FANCD2: variants seen among roughly 807,000 people sequenced by gnomAD.
FANCD2 encodes FA complementation group D2.
Under a neutral mutation model 192.3 loss-of-function variants are expected in FANCD2, and 131 were observed. The observed-to-expected ratio is 0.68, with a 90% CI of 0.59 to 0.79. The LOEUF is 0.79. FANCD2 is among the 30% of genes least tolerant of loss of function. The pLI, the probability that FANCD2 is intolerant of heterozygous loss-of-function variation, is 0.00. For synonymous variants in FANCD2, 524 were observed against 612.5 expected (o/e 0.86, Z 2.13); for missense variants, 1,508 against 1,701.6 (o/e 0.89, Z 2.00).
intron 9 of FANCD2, chr3:10,040,323 A>G (rs2086834988): frequency 2.8e-6 from 1 of 360,416 alleles, no homozygotes; most frequent in East Asian, 7.5e-5. Flanking sequence ...GGCATGAGCC[A>G]CCGTGCCTGG....
chr3:10,066,735 G>GT (rs1378968200), intron 25 of FANCD2, among the ~76,000 whole-genome samples: 1 of 151,818 alleles, frequency 6.6e-6, no homozygotes, highest in Non-Finnish European at 1.5e-5. Flanking sequence ...TTTGTTTTTT[G>GT]TTTTTTTGAG....
Position 10,032,951 on chromosome 3 carries a change from G to A in FANCD2, c.184G>A (p.Gly62Arg), listed in dbSNP as rs2086639975. ...LKISGIILKTGESQNQLAVDQ... is the reference protein window; with the variant it reads ...LKISGIILKTRESQNQLAVDQ... ...GATATCAGGAATTATTCTTAAAACG[G>A]GAGAGAGTCAGAATCAACTAGGTAA... The change falls in exon 3 of 44, where the codon GGA becomes AGA. Residue 62 changes from glycine to arginine, a missense_variant. Gly to Arg is a moderately radical substitution (Grantham distance 125). Around this residue, in one of 5 missense-constraint regions of FANCD2, gnomAD observed 435 missense variants for 421.9 expected, o/e 1.03. Transcript: ENST00000675286. The A allele has an allele frequency of 6.3e-7, 1 of 1,588,408 alleles. No homozygotes were observed. The highest frequency in any genetic ancestry group is 8.6e-7 in the Non-Finnish European group (1 of 1,157,024).
chr3:10,095,997 G>A (rs1053748763), intron 41 of FANCD2, among the ~76,000 whole-genome samples: 15 of 151,600 alleles, frequency 9.9e-5, no homozygotes, highest in Non-Finnish European at 1.9e-4. Context: ...AATGTTTAAG[G>A]AATTCTCTTA....
chr3:10,062,485 A>G (rs1029277069), intron 20 of FANCD2, among the ~76,000 whole-genome samples: 7 of 151,780 alleles, frequency 4.6e-5, no homozygotes, highest in African/African-American at 1.7e-4. Flanking sequence ...CAAGTGATCC[A>G]CCTGCCTCGG....
chr3:10,100,163 G>C (rs980325898), intron 43 of FANCD2, among the ~76,000 whole-genome samples: 1 of 152,214 alleles, frequency 6.6e-6, no homozygotes, highest in Non-Finnish European at 1.5e-5. Context: ...CTGGATGACA[G>C]AGCGAGACCC....
rs563678789 is a variant in FANCD2, at chr3:10,067,394, C to T, written c.2494+77C>T. ...TAAAGCACTTAGCTTTCCCTGATAC[C>T]AAAACCAGACAAAGACACATCAAAA... On this transcript the variant is annotated intron_variant, in intron 26 of 43. Coordinates refer to ENST00000675286, the MANE Select transcript of FANCD2 (RefSeq NM_001018115.3). 8.5e-6 allele frequency: 7 copies of T among 819,382 alleles called. No individual in the cohort carries two copies. The African/African-American group carries it at 1.2e-4, about 14-fold the overall frequency. The allele number at this position is 819,382 out of a possible 1,614,324, so 50.8% of individuals were successfully genotyped here.
At position 10,088,491 on chromosome 3, in the gene FANCD2, G is replaced by C. The variant is rs1694373627; in HGVS notation, c.3509G>C (p.Gly1170Ala). ...TTCCTCTGTCGGGTGTGGCCAAGTG[G>C]GGATAAAGAGAAGAGCAACATCTCT... ...RQFLCRVWPS[G>A]DKEKSNISND... The change falls in exon 35 of 44, where the codon GGG becomes GCG. Residue 1170 changes from glycine to alanine, a missense_variant. Gly to Ala is a moderately conservative substitution (Grantham distance 60). Around this residue, in one of 5 missense-constraint regions of FANCD2, gnomAD observed 796 missense variants for 879.4 expected, o/e 0.91. Transcript: ENST00000675286. 2 of 1,612,890 alleles carry C rather than the reference G, an allele frequency of 1.2e-6. No homozygotes were observed. The highest frequency in any genetic ancestry group is 2.2e-5 in the South Asian group (2 of 91,060).
In FANCD2 at chr3:10,072,919, T is replaced by C; in HGVS notation, c.2543T>C (p.Leu848Ser). Reference sequence around the variant, plus strand: ...CTTGGAAACTTTGATGTGGAAACTTTAGATATAACACCTCATACTGTTACT... The same window carrying C: ...CTTGGAAACTTTGATGTGGAAACTTCAGATATAACACCTCATACTGTTACT... ...PPLGNFDVET[L>S]DITPHTVTAI... Residue 848 changes from leucine (L) to serine (S), a missense_variant, in exon 27 of 44, where the codon TTA (leucine) becomes TCA (serine). This residue lies in a region of FANCD2 where 796 missense variants were observed against 879.4 expected (regional missense o/e 0.91). Coordinates refer to ENST00000675286, the MANE Select transcript of FANCD2 (RefSeq NM_001018115.3). The C allele has an allele frequency of 1.2e-6, 2 of 1,612,748 alleles. No homozygotes were observed. The highest frequency in any genetic ancestry group is 1.7e-4 in the Middle Eastern group (1 of 5,954).
intron 18 of FANCD2, among the ~76,000 whole-genome samples, chr3:10,057,551 G>A (rs1199337085): frequency 6.6e-6 from 1 of 151,986 alleles, no homozygotes; most frequent in African/African-American, 2.4e-5. Context: ...TTTTAGTAGA[G>A]ACGGGGTTTC....
Position 10,088,895 on chromosome 3 carries a change from G to A in FANCD2, c.3628G>A (p.Glu1210Lys). 6.2e-7 allele frequency: 1 copy of A among 1,613,964 alleles called. No individual in the cohort carries two copies. Among genetic ancestry groups the A allele is most frequent in the South Asian group, 1.1e-5 (1 of 91,074 alleles). ...IEEIAGVGVPELINSPKDASS... is the reference protein window; with the variant it reads ...IEEIAGVGVPKLINSPKDASS... ...GGAGATTGCTGGTGTTGGTGTCCCA[G>A]AACTGATCAACTCTCCTAAAGATGC... The change falls in exon 36 of 44, where the codon GAA becomes AAA. Residue 1210 changes from glutamate to lysine, a missense_variant. By Grantham distance (56) the Glu-to-Lys change is moderately conservative (BLOSUM62 1). Around this residue, in one of 5 missense-constraint regions of FANCD2, gnomAD observed 796 missense variants for 879.4 expected, o/e 0.91. Transcript: ENST00000675286.
intron 37 of FANCD2, among the ~76,000 whole-genome samples, chr3:10,091,440 C>T (rs1267128733): frequency 1.3e-5 from 2 of 149,756 alleles, no homozygotes; most frequent in Non-Finnish European, 3.0e-5. Context: ...CCACTGCACT[C>T]CAACCTGGAT....
Position 10,060,314 on chromosome 3 carries a change from A to G in FANCD2, c.1677A>G (p.Ile559Met). 2 of 1,612,388 alleles carry G rather than the reference A, an allele frequency of 1.2e-6. No individual in the cohort carries two copies. The highest frequency in any genetic ancestry group is 1.7e-6 in the Non-Finnish European group (2 of 1,179,798). ...SHIQDDMHLV[I>M]RKQLSSTVFK... Reference sequence around the variant, plus strand: ...TGCAGGATGACATGCACTTGGTGATAAGAAAGCAGCTCTCTAGCACCGTAT... The same window carrying G: ...TGCAGGATGACATGCACTTGGTGATGAGAAAGCAGCTCTCTAGCACCGTAT... The change falls in exon 19 of 44, where the codon ATA (isoleucine) becomes ATG (methionine). Residue 559 changes from isoleucine (I) to methionine (M), a missense_variant. Ile to Met is a conservative substitution (Grantham distance 10). Around this residue, in one of 5 missense-constraint regions of FANCD2, gnomAD observed 110 missense variants for 114.4 expected, o/e 0.96. Coordinates refer to ENST00000675286, the MANE Select transcript of FANCD2 (RefSeq NM_001018115.3).
At chr3:10,035,667 A>T (rs1037413749) in intron 6 of FANCD2, among the ~76,000 whole-genome samples, 18 of 152,146 alleles carry the variant, frequency 1.2e-4, no homozygotes, top group Non-Finnish European at 2.5e-4. Context: ...ATGTATATAG[A>T]GCAGAAAACT....
At chr3:10,101,107 T>C (rs1478102521) in intron 43 of FANCD2, 81 bp from the exon 44 acceptor site, 3 of 1,061,000 alleles carry the variant, frequency 2.8e-6, no homozygotes, top group Non-Finnish European at 4.4e-6. Flanking sequence ...AGTACAGTTG[T>C]GTATCCTCTA....
At chr3:10,075,106 C>T (rs555004138) in intron 29 of FANCD2, among the ~76,000 whole-genome samples, 1 of 152,292 alleles carries the variant, frequency 6.6e-6, no homozygotes, top group African/African-American at 2.4e-5. Flanking sequence ...CATAGAGCAT[C>T]ATGCTTGCTT....
intron 35 of FANCD2, 58 bp from the exon 36 acceptor site, chr3:10,088,770 T>C: frequency 6.4e-7 from 1 of 1,569,138 alleles, no homozygotes; most frequent in Non-Finnish European, 8.8e-7. Flanking sequence ...ATTAGAGGAA[T>C]CTGTAGTTGT....
At chr3:10,100,866 TTG>T (rs1385140427) in intron 43 of FANCD2, among the ~76,000 whole-genome samples, 2 of 151,898 alleles carry the variant, frequency 1.3e-5, no homozygotes, top group African/African-American at 4.8e-5. Context: ...GGCCAGGAGT[TTG>T]AGACCAGCCT....
chr3:10,058,873 A>G (rs1166910393), intron 18 of FANCD2, among the ~76,000 whole-genome samples: 1 of 152,190 alleles, frequency 6.6e-6, no homozygotes, highest in Non-Finnish European at 1.5e-5. Context: ...TGTTTCTGCA[A>G]AACATGTTGT....
intron 29 of FANCD2, among the ~76,000 whole-genome samples, chr3:10,077,865 TATTA>T (rs1464635635): frequency 2.6e-5 from 4 of 151,862 alleles, no homozygotes; most frequent in Non-Finnish European, 4.4e-5. Flanking sequence ...CCTCATTTCT[TATTA>T]ATTAAAAAAA....
Sources: allele counts gnomAD v4.1 joint callset (sites outside exome capture counted in the v4.1 genomes callset), GRCh38; gene constraint gnomAD v4.1.1; regional missense constraint gnomAD v4.1.1; transcripts MANE v1.5; gene names NCBI Gene and HGNC (gene_info 2026-07-23, HGNC 2026-07-21).